SLC41A2: variants seen among roughly 807,000 people sequenced by gnomAD.
SLC41A2 encodes the protein solute carrier family 41 member 2, also known as SLC41A1-like 1.
A neutral mutation model predicts 58.3 loss-of-function variants in SLC41A2; 32 were observed. The observed-to-expected ratio is 0.55, with a 90% confidence interval of 0.41 to 0.74. The LOEUF (loss-of-function observed/expected upper bound fraction) is 0.74, where lower values mean the gene tolerates loss of function less well. Ranked by LOEUF, SLC41A2 falls within the 30% of genes least tolerant of loss-of-function variation. The pLI is 0.00. For synonymous variants in SLC41A2, 190 were observed against 235.0 expected, an observed-to-expected ratio of 0.81 and a Z score of 1.75; for missense variants, 514 against 680.6, an observed-to-expected ratio of 0.76 and a Z score of 2.72.
chr12:104,954,549 T>C (rs942005604), intron 1 of SLC41A2, among the ~76,000 whole-genome samples: 1 of 152,206 alleles, frequency 6.6e-6, no homozygotes, highest in East Asian at 1.9e-4. Flanking sequence ...TATTTGTATA[T>C]CCATTGGGTA....
intron 6 of SLC41A2, among the ~76,000 whole-genome samples, chr12:104,881,291 AG>A (rs1342400804): frequency 6.6e-6 from 1 of 152,094 alleles, no homozygotes; most frequent in Non-Finnish European, 1.5e-5. Flanking sequence ...GATTTTTTGA[AG>A]GGTTCTTTTG....
chr12:104,876,475 A>G (rs2044049192), intron 6 of SLC41A2, among the ~76,000 whole-genome samples: 1 of 151,750 alleles, frequency 6.6e-6, no homozygotes, highest in South Asian at 2.1e-4. Context: ...ATTTGTCTCA[A>G]TATATTTTTT....
intron 6 of SLC41A2, among the ~76,000 whole-genome samples, chr12:104,880,202 AAGG>A (rs2044288781): frequency 6.6e-6 from 1 of 152,158 alleles, no homozygotes; most frequent in African/African-American, 2.4e-5. Context: ...TTATCAGCTT[AAGG>A]AGATTTGGGG....
At chr12:104,948,390 A>T (rs1469522236) in intron 1 of SLC41A2, among the ~76,000 whole-genome samples, 1 of 152,126 alleles carries the variant, frequency 6.6e-6, no homozygotes, top group East Asian at 1.9e-4. Flanking sequence ...GTCCTAAAAA[A>T]TATATAAAAA....
intron 10 of SLC41A2, among the ~76,000 whole-genome samples, chr12:104,829,554 T>G (rs1363737395): frequency 6.6e-6 from 1 of 151,990 alleles, no homozygotes. Flanking sequence ...ATATTCTGTA[T>G]GTTGATTATG....
chr12:104,876,779 A>C (rs552383634), intron 6 of SLC41A2, among the ~76,000 whole-genome samples: 1 of 152,336 alleles, frequency 6.6e-6, no homozygotes, highest in African/African-American at 2.4e-5. Flanking sequence ...TGTTTTGTAC[A>C]TATCTGCTAG....
intron 10 of SLC41A2, among the ~76,000 whole-genome samples, chr12:104,841,153 A>G (rs1253535134): frequency 6.6e-6 from 1 of 152,130 alleles, no homozygotes; most frequent in Non-Finnish European, 1.5e-5. Flanking sequence ...ACTTCCCCAG[A>G]AATCAAGTTA....
At chr12:104,919,082 G>T (rs1419857989) in intron 2 of SLC41A2, among the ~76,000 whole-genome samples, 2 of 152,102 alleles carry the variant, frequency 1.3e-5, no homozygotes, top group Non-Finnish European at 2.9e-5. Context: ...AGAGAATTTT[G>T]TATGAATGAA....
chr12:104,919,735 T>C (rs2046503834), intron 2 of SLC41A2, among the ~76,000 whole-genome samples: 1 of 152,248 alleles, frequency 6.6e-6, no homozygotes, highest in Non-Finnish European at 1.5e-5. Context: ...TAATCCTTTG[T>C]CAGATAGGTG....
At chr12:104,853,044 A>G (rs1280797312) in intron 8 of SLC41A2, among the ~76,000 whole-genome samples, 1 of 152,216 alleles carries the variant, frequency 6.6e-6, no homozygotes, top group Non-Finnish European at 1.5e-5. Context: ...AATATGTGAG[A>G]TTCCTCAGTA....
intron 10 of SLC41A2, among the ~76,000 whole-genome samples, chr12:104,842,345 A>G (rs1471386817): frequency 6.6e-6 from 1 of 152,102 alleles, no homozygotes; most frequent in Non-Finnish European, 1.5e-5. Flanking sequence ...TGCAAATGCA[A>G]AGGTCTACTC....
intron 2 of SLC41A2, among the ~76,000 whole-genome samples, chr12:104,925,481 C>A (rs1807288823): frequency 6.6e-6 from 1 of 152,056 alleles, no homozygotes; most frequent in African/African-American, 2.4e-5. Flanking sequence ...CGGTATGAAC[C>A]CGGGAGGCGG....
At chr12:104,848,057 C>T (rs942967182) in intron 8 of SLC41A2, among the ~76,000 whole-genome samples, 2 of 152,130 alleles carry the variant, frequency 1.3e-5, no homozygotes, top group African/African-American at 4.8e-5. Context: ...CACATGCACT[C>T]ATGGAACATT....
chr12:104,824,501 TCACTCAATAAAACCTTG>T (rs111813024), intron 10 of SLC41A2, among the ~76,000 whole-genome samples: 12 of 152,160 alleles, frequency 7.9e-5, no homozygotes, highest in African/African-American at 2.9e-4. Context: ...AGAGCTACTT[TCACTCAATAAAACCTTG>T]CACTCATTCT....
intron 10 of SLC41A2, among the ~76,000 whole-genome samples, chr12:104,815,408 ATTATGCATG>A (rs1341287375): frequency 1.4e-4 from 22 of 152,312 alleles, no homozygotes; most frequent in Admixed American, 1.0e-3. Context: ...ACCTCAGCTA[ATTATGCATG>A]TTCTAAATAT....
Position 104,925,059 on chromosome 12 carries a change from G to T in SLC41A2, c.555+2914C>A, listed in dbSNP as rs1172570920. Among the ~76,000 whole-genome samples the T allele has an allele frequency of 9.2e-5, 14 of 152,100 alleles. No homozygotes were observed. In the East Asian group the frequency reaches 2.5e-3, roughly 27 times the overall value. ...GATTAGTGATTACCTTTGGTGATGG[G>T]GACAAAAAGGGCAGCAATTGGAAGA... On this transcript the variant is annotated intron_variant, in intron 2 of 10. Coordinates refer to ENST00000258538, the MANE Select transcript of SLC41A2 (RefSeq NM_001352171.3).
intron 3 of SLC41A2, among the ~76,000 whole-genome samples, chr12:104,897,156 T>C (rs2045330755): frequency 6.7e-6 from 1 of 148,368 alleles, no homozygotes; most frequent in Admixed American, 6.7e-5. Context: ...TTTTTTTTTT[T>C]TTTTTTTGAG....
At chr12:104,903,063 G>A (rs1232358861) in intron 3 of SLC41A2, among the ~76,000 whole-genome samples, 1 of 152,088 alleles carries the variant, frequency 6.6e-6, no homozygotes, top group Non-Finnish European at 1.5e-5. Flanking sequence ...TTTTAGTGAT[G>A]GCTCCTAGTG....
At chr12:104,889,303 C>G (rs376706036) in intron 4 of SLC41A2, 126 bp from the exon 5 acceptor site, 2 of 953,304 alleles carry the variant, frequency 2.1e-6, no homozygotes, top group Non-Finnish European at 3.1e-6. Context: ...AGCTACATTA[C>G]CTTTTAGAGT....
Sources: gnomAD v4.1 joint callset for allele counts (sites outside exome capture counted in the v4.1 genomes callset) on GRCh38, gnomAD v4.1.1 for gene constraint, MANE v1.5 for transcripts, NCBI Gene and HGNC (gene_info 2026-07-23, HGNC 2026-07-21) for gene names.